CACNA2D3: variants seen among roughly 807,000 people sequenced by gnomAD.
The protein encoded by CACNA2D3 is calcium voltage-gated channel auxiliary subunit alpha2delta 3.
Under a neutral mutation model 160.6 loss-of-function variants are expected in CACNA2D3, and 60 were observed. That is an observed-to-expected ratio of 0.37 (90% CI 0.30 to 0.46). CACNA2D3 has a LOEUF of 0.46. Ranked by LOEUF, CACNA2D3 falls within the 20% of genes least tolerant of loss-of-function variation. The pLI is 1.00. For missense variants in CACNA2D3, 1,205 were observed against 1,365.0 expected, an observed-to-expected ratio of 0.88 and a Z score of 1.85; for synonymous variants, 558 against 492.9, an observed-to-expected ratio of 1.13 and a Z score of -1.75.
intron 3 of CACNA2D3, among the ~76,000 whole-genome samples, chr3:54,362,599 T>C (rs965083305): frequency 6.6e-6 from 1 of 152,224 alleles, no homozygotes; most frequent in Non-Finnish European, 1.5e-5. Context: ...TACATCCTCA[T>C]TCTGCATGTG....
intron 5 of CACNA2D3, among the ~76,000 whole-genome samples, chr3:54,552,574 T>C (rs1049148585): frequency 9.2e-5 from 14 of 152,148 alleles, no homozygotes; most frequent in Admixed American, 3.3e-4. Flanking sequence ...CTTCAAAGCT[T>C]TGGGGATAGA....
intron 18 of CACNA2D3, among the ~76,000 whole-genome samples, chr3:54,877,559 AG>A (rs997410967): frequency 2.0e-5 from 3 of 152,214 alleles, no homozygotes; most frequent in Non-Finnish European, 4.4e-5. Flanking sequence ...AAGATCATAA[AG>A]CTCTGGCTCC....
intron 9 of CACNA2D3, among the ~76,000 whole-genome samples, chr3:54,622,834 C>T (rs1023230229): frequency 3.3e-5 from 5 of 152,096 alleles, no homozygotes; most frequent in South Asian, 2.1e-4. Flanking sequence ...ACAAATCCTC[C>T]GTGCCATGGG....
chr3:54,916,088 A>G (rs1407371324), intron 27 of CACNA2D3, among the ~76,000 whole-genome samples: 5 of 152,216 alleles, frequency 3.3e-5, no homozygotes, highest in Admixed American at 6.5e-5. Context: ...AAATCACTGC[A>G]TTAAAACGAA....
intron 4 of CACNA2D3, among the ~76,000 whole-genome samples, chr3:54,475,734 T>G (rs1700817052): frequency 6.6e-6 from 1 of 152,010 alleles, no homozygotes; most frequent in Non-Finnish European, 1.5e-5. Context: ...TGTATATATT[T>G]AAGGTATACA....
intron 3 of CACNA2D3, among the ~76,000 whole-genome samples, chr3:54,357,405 T>G (rs933803227): frequency 6.6e-6 from 1 of 152,222 alleles, no homozygotes; most frequent in Non-Finnish European, 1.5e-5. Flanking sequence ...TATTGAAATA[T>G]AAAGTGCTCG....
At chr3:54,412,101 C>T (rs562646634) in intron 4 of CACNA2D3, among the ~76,000 whole-genome samples, 1 of 152,094 alleles carries the variant, frequency 6.6e-6, no homozygotes, top group South Asian at 2.1e-4. Flanking sequence ...TAGTATAGTA[C>T]GTAGTCTTTT....
chr3:54,270,014 A>G (rs1575356836), intron 2 of CACNA2D3, among the ~76,000 whole-genome samples: 1 of 152,216 alleles, frequency 6.6e-6, no homozygotes, highest in Admixed American at 6.5e-5. Context: ...GGCTTGTTGT[A>G]CCAGAAGCTG....
intron 2 of CACNA2D3, among the ~76,000 whole-genome samples, chr3:54,211,632 A>G (rs1274476914): frequency 1.3e-5 from 2 of 152,122 alleles, no homozygotes; most frequent in African/African-American, 2.4e-5. Flanking sequence ...TTAGACTCAT[A>G]TTTTTTGTAA....
At chr3:54,148,913 G>T (rs750664560) in intron 2 of CACNA2D3, among the ~76,000 whole-genome samples, 1 of 148,964 alleles carries the variant, frequency 6.7e-6, no homozygotes, top group African/African-American at 2.5e-5. Flanking sequence ...GGAGACAGAG[G>T]TTGCAGTGAG....
intron 11 of CACNA2D3, among the ~76,000 whole-genome samples, chr3:54,689,920 A>G (rs1453419264): frequency 1.3e-5 from 2 of 152,042 alleles, no homozygotes. Context: ...ATTTTCTCCA[A>G]GTAGAAGCTA....
chr3:54,171,077 A>G (rs1229941058), intron 2 of CACNA2D3, among the ~76,000 whole-genome samples: 1 of 133,994 alleles, frequency 7.5e-6, no homozygotes, highest in Non-Finnish European at 1.6e-5. Flanking sequence ...AGGATTCCCT[A>G]TTTTAGGTAC....
intron 11 of CACNA2D3, among the ~76,000 whole-genome samples, chr3:54,738,104 T>C (rs1701570164): frequency 6.6e-6 from 1 of 152,186 alleles, no homozygotes. Flanking sequence ...GCAGAAGATA[T>C]AGAAGTCACA....
chr3:54,924,304 C>G (rs555348429), intron 27 of CACNA2D3, among the ~76,000 whole-genome samples: 11 of 152,316 alleles, frequency 7.2e-5, no homozygotes, highest in African/African-American at 2.2e-4. Flanking sequence ...TGGGGTTGAG[C>G]AGTTATTCAG....
intron 11 of CACNA2D3, among the ~76,000 whole-genome samples, chr3:54,739,979 C>G (rs1051117226): frequency 6.6e-6 from 1 of 152,058 alleles, no homozygotes; most frequent in Non-Finnish European, 1.5e-5. Context: ...CATTGTGCCT[C>G]CAGCCTGCAG....
At chr3:54,145,986 C>T (rs1043453847) in intron 2 of CACNA2D3, among the ~76,000 whole-genome samples, 1 of 152,160 alleles carries the variant, frequency 6.6e-6, no homozygotes, top group Non-Finnish European at 1.5e-5. Flanking sequence ...CCTAATCTCA[C>T]TGTTTTTACT....
intron 11 of CACNA2D3, among the ~76,000 whole-genome samples, chr3:54,728,180 C>T (rs1356211744): frequency 6.7e-6 from 1 of 149,662 alleles, no homozygotes; most frequent in East Asian, 1.9e-4. Flanking sequence ...TTCCTTTGCC[C>T]CATTCTTTTT....
At chr3:54,454,372 TAGTC>T (rs1700360750) in intron 4 of CACNA2D3, among the ~76,000 whole-genome samples, 1 of 152,154 alleles carries the variant, frequency 6.6e-6, no homozygotes, top group Admixed American at 6.5e-5. Context: ...TACCCCGGTG[TAGTC>T]AGTCTCCTCA....
At chr3:54,900,838 CT>C (rs1370671052) in intron 27 of CACNA2D3, among the ~76,000 whole-genome samples, 5 of 152,116 alleles carry the variant, frequency 3.3e-5, no homozygotes, top group African/African-American at 7.2e-5. Flanking sequence ...GGAAATACTG[CT>C]TTTTTCCCCC....
Sources: gnomAD v4.1 joint callset for allele counts (sites outside exome capture counted in the v4.1 genomes callset) on GRCh38, gnomAD v4.1.1 for gene constraint, MANE v1.5 for transcripts, NCBI Gene and HGNC (gene_info 2026-07-23, HGNC 2026-07-21) for gene names.